Variants in FMN1 observed in about 807,000 individuals in gnomAD.
The protein encoded by FMN1 is formin-1.
A neutral mutation model predicts 132.4 loss-of-function variants in FMN1; 110 were observed. The ratio of observed to expected loss-of-function variants is 0.83; its 90% CI spans 0.71 to 0.97. The LOEUF is 0.97. Ranked by LOEUF, FMN1 falls within the 50% of genes least tolerant of loss-of-function variation. The pLI is 0.00. For synonymous variants in FMN1, 722 were observed against 651.7 expected (o/e 1.11, Z -1.64); for missense variants, 1,792 against 1,705.3 (o/e 1.05, Z -0.90).
chr15:32,951,474 T>C (rs2061652674), intron 9 of FMN1, among the ~76,000 whole-genome samples: 1 of 150,926 alleles, frequency 6.6e-6, no homozygotes, highest in Admixed American at 6.6e-5. Context: ...CACACACAAA[T>C]AGGGGAAATG....
In FMN1 at chr15:33,153,623, T is replaced by C. The variant is rs748962976; in HGVS notation, c.1292A>G (p.Asp431Gly). 22 of 1,536,250 alleles carry C rather than the reference T, an allele frequency of 1.4e-5. No homozygotes were observed. The highest frequency in any genetic ancestry group is 1.7e-5 in the Non-Finnish European group (20 of 1,146,908). The stretch of plus-strand genomic sequence containing the variant: ...CAGTCTTTTCCCCTCAGGGGCTTCA[T>C]CTAACTTCTCACTCTCTATCACCTT... ...PLKVIESEKL[D>G]EAPEGKRLGF... Residue 431 changes from aspartate to glycine, a missense_variant, in exon 4 of 21, where the codon GAT becomes GGT. By Grantham distance (94) the Asp-to-Gly change is moderately conservative. This residue lies in a region of FMN1 where 638 missense variants were observed against 645.2 expected (regional missense o/e 0.99). Coordinates refer to ENST00000616417, the MANE Select transcript of FMN1 (RefSeq NM_001277313.2).
At chr15:32,926,073 T>G in intron 10 of FMN1, 101 bp downstream of exon 10, 1 of 693,698 alleles carries the variant, frequency 1.4e-6, no homozygotes, top group Non-Finnish European at 2.5e-6. Flanking sequence ...TATATAGGAT[T>G]CATTAGGGCA....
At chr15:33,090,706 A>G (rs1447631873) in intron 4 of FMN1, among the ~76,000 whole-genome samples, 1 of 152,166 alleles carries the variant, frequency 6.6e-6, no homozygotes, top group Non-Finnish European at 1.5e-5. Flanking sequence ...CCTTTCATTT[A>G]GGGTCTCACA....
intron 17 of FMN1, among the ~76,000 whole-genome samples, chr15:32,849,668 A>T (rs1261153178): frequency 2.0e-5 from 3 of 149,122 alleles, no homozygotes; most frequent in Non-Finnish European, 4.5e-5. Context: ...TCTTTTCTTT[A>T]TTTTTTTTTT....
chr15:33,126,027 A>C (rs1963030791), intron 4 of FMN1, among the ~76,000 whole-genome samples: 1 of 152,128 alleles, frequency 6.6e-6, no homozygotes, highest in Non-Finnish European at 1.5e-5. Context: ...AGTAATACCA[A>C]ACTCACAGTG....
intron 3 of FMN1, among the ~76,000 whole-genome samples, chr15:33,178,417 G>A (rs561051479): frequency 7.9e-5 from 12 of 152,260 alleles, no homozygotes; most frequent in African/African-American, 2.4e-4. Flanking sequence ...AGTCTCAATG[G>A]TTTATGATGT....
intron 15 of FMN1, among the ~76,000 whole-genome samples, chr15:32,893,849 A>G (rs2060089937): frequency 6.6e-6 from 1 of 152,234 alleles, no homozygotes; most frequent in Admixed American, 6.5e-5. Flanking sequence ...CCACAGGCAT[A>G]TTTCAGCCTT....
intron 7 of FMN1, among the ~76,000 whole-genome samples, chr15:32,972,993 A>G (rs546833495): frequency 1.2e-4 from 18 of 152,118 alleles, no homozygotes; most frequent in Non-Finnish European, 1.9e-4. Flanking sequence ...TCTCATCCTC[A>G]ACATGCTATT....
intron 5 of FMN1, among the ~76,000 whole-genome samples, chr15:33,068,944 GGCA>G (rs2037875061): frequency 6.6e-6 from 1 of 152,156 alleles, no homozygotes; most frequent in South Asian, 2.1e-4. Context: ...TAGAAATCCT[GGCA>G]GCAGCAGGAC....
In FMN1 at chr15:32,765,815, C is replaced by T. The variant is rs763396902; in HGVS notation, c.*8495G>A. 1.3e-5 allele frequency: 2 copies of T among 151,974 alleles called. No homozygotes were observed. The highest frequency in any genetic ancestry group is 6.6e-5 in the Admixed American group (1 of 15,250). The allele number at this position is 151,974 out of a possible 1,614,324, so 9.4% of individuals were successfully genotyped here. On this transcript the variant is annotated 3_prime_UTR_variant, in exon 21 of 21. Coordinates refer to ENST00000616417, the MANE Select transcript of FMN1 (RefSeq NM_001277313.2). ...GAGGAAAAAATATATATATATAATA[C>T]ACACATTTTTATTATGTACAAATCA...
intron 9 of FMN1, among the ~76,000 whole-genome samples, chr15:32,931,788 T>G (rs1390936505): frequency 6.6e-6 from 1 of 152,210 alleles, no homozygotes; most frequent in East Asian, 1.9e-4. Context: ...TTAGTGGAAA[T>G]GCTTTTGGTT....
rs115677387 is a variant in FMN1 at position 33,142,006 on chromosome 15, G to A, written c.1867+11042C>T. On this transcript the variant is annotated intron_variant, in intron 4 of 20. Transcript: ENST00000616417. ...TTTGACATTGTGATACATGGGCTAC[G>A]CTGTTTAGTATAACTCTTTTCCCCA... Among the ~76,000 whole-genome samples, 9 of 152,220 alleles carry A rather than the reference G, an allele frequency of 5.9e-5. No individual in the cohort carries two copies. The South Asian group carries it at 1.7e-3, about 28-fold the overall frequency.
At chr15:33,006,121 T>C (rs1221021357) in intron 7 of FMN1, among the ~76,000 whole-genome samples, 1 of 152,300 alleles carries the variant, frequency 6.6e-6, no homozygotes, top group African/African-American at 2.4e-5. Flanking sequence ...TTATCATTCA[T>C]TGAAAAGAAG....
At chr15:32,912,589 A>T (rs2060588733) in intron 10 of FMN1, among the ~76,000 whole-genome samples, 1 of 152,244 alleles carries the variant, frequency 6.6e-6, no homozygotes, top group South Asian at 2.1e-4. Context: ...ACAACATTAG[A>T]CAGAAGGCTC....
chr15:32,975,421 A>G (rs2032124312), intron 7 of FMN1, among the ~76,000 whole-genome samples: 2 of 152,280 alleles, frequency 1.3e-5, no homozygotes, highest in South Asian at 4.1e-4. Context: ...TCCATTTATA[A>G]GTGAAACTCC....
intron 17 of FMN1, among the ~76,000 whole-genome samples, chr15:32,813,788 C>T (rs1206272185): frequency 1.3e-5 from 2 of 152,150 alleles, no homozygotes; most frequent in African/African-American, 4.8e-5. Flanking sequence ...GTAGATGAAG[C>T]GACTATTTGG....
At chr15:32,940,125 C>T (rs771046303) in intron 9 of FMN1, among the ~76,000 whole-genome samples, 1 of 152,086 alleles carries the variant, frequency 6.6e-6, no homozygotes, top group Non-Finnish European at 1.5e-5. Flanking sequence ...AGAACTATAG[C>T]CATAAACTAC....
chr15:33,137,082 C>T lies in FMN1; in HGVS notation c.1867+15966G>A, dbSNP rs1216146628. On this transcript the variant is annotated intron_variant, in intron 4 of 20. Coordinates refer to ENST00000616417, the MANE Select transcript of FMN1 (RefSeq NM_001277313.2). ...CAGCCTGGGCGACAGAGCAAGACCC[C>T]GTCTCAAAAAAAAAAAAAAAAAAAA... Among the ~76,000 whole-genome samples the T allele has an allele frequency of 7.5e-5, 9 of 119,864 alleles. No individual in the cohort carries two copies. In the South Asian group the frequency reaches 1.9e-3, roughly 25 times the overall value. The allele number at this position is 119,864 out of a possible 152,430, so 78.6% of individuals were successfully genotyped here. A position where few individuals can be genotyped will look rare whatever the true frequency, so the allele number is the denominator to read the frequency against.
At position 32,953,765 on chromosome 15, in the gene FMN1, G is replaced by A. The variant is rs894018160; in HGVS notation, c.3138+10342C>T. ...GGGCTGGCCAGTTCCACCACTGGCT[G>A]CTGCCGCCAAATGCATTTCTGTTAT... On this transcript the variant is annotated intron_variant, in intron 9 of 20. Coordinates refer to ENST00000616417, the MANE Select transcript of FMN1 (RefSeq NM_001277313.2). Among the ~76,000 whole-genome samples the A allele has an allele frequency of 3.9e-5, 6 of 152,172 alleles. No homozygotes were observed. In the South Asian group the frequency reaches 1.2e-3, roughly 32 times the overall value.
Sources: allele counts gnomAD v4.1 joint callset (sites outside exome capture counted in the v4.1 genomes callset), GRCh38; gene constraint gnomAD v4.1.1; regional missense constraint gnomAD v4.1.1; transcripts MANE v1.5; gene names NCBI Gene and HGNC (gene_info 2026-07-23, HGNC 2026-07-21).